PPP3CB: variants seen among roughly 807,000 people sequenced by gnomAD.
The protein encoded by PPP3CB is serine/threonine-protein phosphatase 2B catalytic subunit beta isoform.
A neutral mutation model predicts 66.4 loss-of-function variants in PPP3CB; 8 were observed. That is an observed-to-expected ratio of 0.12 (90% CI 0.07 to 0.22). The LOEUF (loss-of-function observed/expected upper bound fraction) is 0.22, where lower values mean the gene tolerates loss of function less well. Among genes scored for constraint, PPP3CB ranks in the 10% least tolerant of loss-of-function variants. The pLI is 1.00. For missense variants in PPP3CB, 319 were observed against 642.5 expected, an observed-to-expected ratio of 0.50 and a Z score of 5.44; for synonymous variants, 208 against 221.2, an observed-to-expected ratio of 0.94 and a Z score of 0.53.
intron 11 of PPP3CB, among the ~76,000 whole-genome samples, chr10:73,445,444 T>C (rs2056231478): frequency 6.6e-6 from 1 of 152,192 alleles, no homozygotes. Context: ...TATACAAATA[T>C]ATAAACTTCT....
At chr10:73,446,784 T>C (rs1337347956) in intron 10 of PPP3CB, among the ~76,000 whole-genome samples, 1 of 152,104 alleles carries the variant, frequency 6.6e-6, no homozygotes, top group Non-Finnish European at 1.5e-5. Context: ...GTCTGATAAA[T>C]ATAGAAATAA....
At chr10:73,443,286 CAGAAAGAAAGAAAGAAAGAA>C (rs71021552) in intron 12 of PPP3CB, among the ~76,000 whole-genome samples, 19 of 115,708 alleles carry the variant, frequency 1.6e-4, no homozygotes, top group African/African-American at 3.7e-4. Context: ...GAAAGAAAGA[CAGAAAGAAAGAAAGAAAGAA>C]AGAAAGAAAG....
rs1404791686 is a variant in PPP3CB at position 73,444,811 on chromosome 10, T to G, written c.1280A>C (p.Glu427Ala). Residue 427 changes from glutamate to alanine, a missense_variant, in exon 12 of 14, where the codon GAA becomes GCA. Transcript: ENST00000360663. ...RVFSVLREES[E>A]SVLTLKGLTP... is the part of the protein sequence containing the mutation. Reference sequence around the variant, plus strand: ...CAGGCCCTTGAGTGTCAGCACACTTTCACTCTCCTCCCTATAGCAGAGAGA... The same window carrying G: ...CAGGCCCTTGAGTGTCAGCACACTTGCACTCTCCTCCCTATAGCAGAGAGA... The G allele has an allele frequency of 6.2e-7, 1 of 1,613,242 alleles. No homozygotes were observed.
At chr10:73,445,989 C>T (rs2056243283) in intron 11 of PPP3CB, among the ~76,000 whole-genome samples, 1 of 152,094 alleles carries the variant, frequency 6.6e-6, no homozygotes, top group Admixed American at 6.6e-5. Context: ...CCTCGTGATC[C>T]ACCTGCCTTG....
intron 8 of PPP3CB, among the ~76,000 whole-genome samples, chr10:73,468,712 C>A (rs2056658189): frequency 6.6e-6 from 1 of 152,026 alleles, no homozygotes; most frequent in African/African-American, 2.4e-5. Context: ...CAAAAGTAAT[C>A]CTGCTACATG....
intron 3 of PPP3CB, among the ~76,000 whole-genome samples, chr10:73,475,829 G>T (rs900644113): frequency 4.6e-5 from 7 of 152,130 alleles, no homozygotes; most frequent in African/African-American, 1.7e-4. Flanking sequence ...AATAAGCATG[G>T]TTTATATAAT....
chr10:73,443,928 T>C (rs1414985042), intron 12 of PPP3CB: 1 of 152,276 alleles, frequency 6.6e-6, no homozygotes. Context: ...ATGTTCAGAA[T>C]GCACAAAGTG....
At chr10:73,461,943 T>C (rs2056527933) in intron 9 of PPP3CB, among the ~76,000 whole-genome samples, 1 of 152,012 alleles carries the variant, frequency 6.6e-6, no homozygotes, top group Non-Finnish European at 1.5e-5. Flanking sequence ...AGTGAGTAAA[T>C]TCTTGTGAAA....
chr10:73,443,033 TA>T (rs891393299), intron 12 of PPP3CB, among the ~76,000 whole-genome samples: 201 of 149,900 alleles, frequency 1.3e-3, no homozygotes, highest in Non-Finnish European at 2.4e-3. Context: ...AAATAAAAAA[TA>T]AAAAAAATAA....
intron 9 of PPP3CB, among the ~76,000 whole-genome samples, chr10:73,461,530 T>G (rs1379913568): frequency 6.6e-6 from 1 of 152,184 alleles, no homozygotes; most frequent in East Asian, 1.9e-4. Flanking sequence ...TTTTAGCAGA[T>G]TTCTCCCTTT....
At chr10:73,481,155 ATT>A (rs1162942192) in intron 1 of PPP3CB, among the ~76,000 whole-genome samples, 89 of 146,748 alleles carry the variant, frequency 6.1e-4, no homozygotes, top group Admixed American at 6.1e-4. Flanking sequence ...CTCTTTCCAG[ATT>A]TTTTTTTCTT....
Position 73,450,849 on chromosome 10 carries a change from A to G in PPP3CB, c.1186+3563T>C, listed in dbSNP as rs546601665. 3.3e-5 allele frequency among the ~76,000 whole-genome samples: 5 copies of G among 152,292 alleles called. No homozygotes were observed. The East Asian group carries it at 9.6e-4, about 29-fold the overall frequency. On this transcript the variant is annotated intron_variant, in intron 10 of 13. Coordinates refer to ENST00000360663, the MANE Select transcript of PPP3CB (RefSeq NM_021132.4). ...ACGGTAGTGACAAGACACCTAAACC[A>G]CTGATCCTTTTCATTAAACTACACT...
chr10:73,493,333 C>T (rs1040773592), intron 1 of PPP3CB, among the ~76,000 whole-genome samples: 2 of 151,290 alleles, frequency 1.3e-5, no homozygotes, highest in Non-Finnish European at 2.9e-5. Flanking sequence ...TGCCAACAGA[C>T]AGTCTCCATA....
chr10:73,488,190 T>C (rs1214476313), intron 1 of PPP3CB, among the ~76,000 whole-genome samples: 1 of 152,156 alleles, frequency 6.6e-6, no homozygotes, highest in African/African-American at 2.4e-5. Flanking sequence ...ATGCTGCTCC[T>C]GTAGCATATG....
chr10:73,462,017 T>G (rs2056529205), intron 9 of PPP3CB, among the ~76,000 whole-genome samples: 1 of 152,040 alleles, frequency 6.6e-6, no homozygotes, highest in Non-Finnish European at 1.5e-5. Context: ...TCTCACCACG[T>G]GAAGTGCCTG....
At chr10:73,441,978 T>C (rs1034720638) in intron 12 of PPP3CB, among the ~76,000 whole-genome samples, 3 of 152,222 alleles carry the variant, frequency 2.0e-5, no homozygotes, top group Non-Finnish European at 4.4e-5. Context: ...CTCTCAGTTA[T>C]ACACACTAAC....
At chr10:73,469,192 T>C (rs1329465473) in intron 8 of PPP3CB, among the ~76,000 whole-genome samples, 2 of 152,066 alleles carry the variant, frequency 1.3e-5, no homozygotes, top group East Asian at 1.9e-4. Context: ...GAAGTCACAG[T>C]TGAGGAATTA....
At chr10:73,441,438 A>G (rs376988393) in intron 12 of PPP3CB, among the ~76,000 whole-genome samples, 1 of 152,092 alleles carries the variant, frequency 6.6e-6, no homozygotes, top group African/African-American at 2.4e-5. Context: ...ATCTCCCCCC[A>G]AAAAAAGTTT....
At chr10:73,493,642 CAT>C (rs1472404744) in intron 1 of PPP3CB, among the ~76,000 whole-genome samples, 2 of 152,204 alleles carry the variant, frequency 1.3e-5, no homozygotes, top group Non-Finnish European at 2.9e-5. Flanking sequence ...CATTTTAAAA[CAT>C]ATAATCCATA....
Sources: allele counts gnomAD v4.1 joint callset (sites outside exome capture counted in the v4.1 genomes callset), GRCh38; gene constraint gnomAD v4.1.1; transcripts MANE v1.5; gene names NCBI Gene and HGNC (gene_info 2026-07-23, HGNC 2026-07-21).